ZBTB20: variants seen among roughly 807,000 people sequenced by gnomAD.
ZBTB20 encodes zinc finger and BTB domain containing 20.
ZBTB20 carries 9 observed loss-of-function variants against 56.9 expected under a neutral mutation model. That is an observed-to-expected ratio of 0.16 (90% CI 0.10 to 0.28). The LOEUF (loss-of-function observed/expected upper bound fraction) is 0.28, where lower values mean the gene tolerates loss of function less well. ZBTB20 is among the 10% of genes least tolerant of loss of function. The pLI is 1.00. For missense variants in ZBTB20, 655 were observed against 1,003.0 expected (o/e 0.65, Z 4.69); for synonymous variants, 417 against 420.7 (o/e 0.99, Z 0.11).
chr3:114,549,440 CT>C (rs2050284349), intron 6 of ZBTB20, among the ~76,000 whole-genome samples: 1 of 152,086 alleles, frequency 6.6e-6, no homozygotes, highest in Non-Finnish European at 1.5e-5. Context: ...CAATGTATAT[CT>C]TTACTGCTAA....
At chr3:114,797,573 T>C (rs1164156412) in intron 5 of ZBTB20, among the ~76,000 whole-genome samples, 1 of 152,030 alleles carries the variant, frequency 6.6e-6, no homozygotes, top group African/African-American at 2.4e-5. Flanking sequence ...TATGAATTCC[T>C]TAATAACAGA....
intron 6 of ZBTB20, among the ~76,000 whole-genome samples, chr3:114,633,108 G>A (rs2059052001): frequency 6.6e-6 from 1 of 152,220 alleles, no homozygotes; most frequent in Admixed American, 6.5e-5. Context: ...GTAAAAAGAA[G>A]TATATTTGTT....
At chr3:115,020,770 T>C (rs1056507180) in intron 2 of ZBTB20, among the ~76,000 whole-genome samples, 4 of 151,044 alleles carry the variant, frequency 2.6e-5, no homozygotes, top group African/African-American at 9.7e-5. Flanking sequence ...TAATACCTAT[T>C]CTCTTCCATT....
intron 6 of ZBTB20, among the ~76,000 whole-genome samples, chr3:114,683,269 C>T (rs1057380002): frequency 6.6e-6 from 1 of 152,126 alleles, no homozygotes; most frequent in East Asian, 1.9e-4. Context: ...ATATCCATGT[C>T]TTAGACACTG....
chr3:114,446,010 G>A (rs1250276233), intron 7 of ZBTB20, among the ~76,000 whole-genome samples: 4 of 151,944 alleles, frequency 2.6e-5, no homozygotes, highest in Non-Finnish European at 4.4e-5. Context: ...AGTTCACTGC[G>A]ACAATCTATA....
chr3:114,889,679 T>C (rs904322635), intron 4 of ZBTB20, among the ~76,000 whole-genome samples: 2 of 152,146 alleles, frequency 1.3e-5, no homozygotes, highest in Non-Finnish European at 2.9e-5. Context: ...TAAGCAGTTA[T>C]ATTACAAATG....
In ZBTB20 at chr3:115,081,268, A is replaced by T. The variant is rs1406457261; in HGVS notation, c.-702-9854T>A. 2.0e-5 allele frequency among the ~76,000 whole-genome samples: 3 copies of T among 152,264 alleles called. No individual in the cohort carries two copies. In the East Asian group the frequency reaches 5.8e-4, roughly 29 times the overall value. ...AAATTGTTGAGTAGAACAAACTTTA[A>T]CAGTTTCTCTTCCTTCATCATCATT... On this transcript the variant is annotated intron_variant, in intron 1 of 11. Coordinates refer to ENST00000675478, the MANE Select transcript of ZBTB20 (RefSeq NM_001348800.3).
At chr3:114,726,923 A>G (rs1192959841) in intron 5 of ZBTB20, among the ~76,000 whole-genome samples, 1 of 149,376 alleles carries the variant, frequency 6.7e-6, no homozygotes, top group Non-Finnish European at 1.5e-5. Flanking sequence ...AAAAAAAAAA[A>G]AAAAAAAAAA....
At chr3:115,118,467 C>T (rs1179607984) in intron 1 of ZBTB20, among the ~76,000 whole-genome samples, 1 of 152,020 alleles carries the variant, frequency 6.6e-6, no homozygotes, top group Admixed American at 6.6e-5. Context: ...GAATTAAATC[C>T]TCACTGTCAC....
At chr3:114,896,669 A>T (rs2074893963) in intron 4 of ZBTB20, among the ~76,000 whole-genome samples, 1 of 152,110 alleles carries the variant, frequency 6.6e-6, no homozygotes, top group South Asian at 2.1e-4. Context: ...TGAAAGTGTT[A>T]TATAGAGATG....
At chr3:115,026,294 T>C (rs2108324064) in intron 2 of ZBTB20, among the ~76,000 whole-genome samples, 1 of 151,196 alleles carries the variant, frequency 6.6e-6, no homozygotes, top group South Asian at 2.1e-4. Context: ...TGACAATCTG[T>C]ACCAAATAAC....
chr3:114,364,755 A>G (rs1376064327), intron 10 of ZBTB20, among the ~76,000 whole-genome samples: 1 of 152,184 alleles, frequency 6.6e-6, no homozygotes, highest in Non-Finnish European at 1.5e-5. Flanking sequence ...AAAGATCCTT[A>G]AATTCCTTGC....
In ZBTB20 at chr3:114,350,452, C is replaced by G; in HGVS notation, c.1626G>C (p.Val542=). Residue 542 remains valine, a synonymous_variant, in exon 11 of 12, where the codon GTG becomes GTC. Transcript: ENST00000675478. ...TAAAGGTCGACAGACCGGGCTGGGA[C>G]ACTGTCACAAACTGGGTCTGCTGGC... ...LAGQQTQFVT[V]SQPGLSTFTA... The G allele has an allele frequency of 6.2e-7, 1 of 1,613,970 alleles. No individual in the cohort carries two copies. The highest frequency in any genetic ancestry group is 8.5e-7 in the Non-Finnish European group (1 of 1,179,986).
At chr3:114,657,496 T>TAGGTATCAGCCTAAC in intron 6 of ZBTB20, among the ~76,000 whole-genome samples, 1 of 152,222 alleles carries the variant, frequency 6.6e-6, no homozygotes, top group African/African-American at 2.4e-5. Flanking sequence ...ATGCACAGTT[T>TAGGTATCAGCCTAAC]ATATCAGCCA....
At chr3:114,486,441 T>C (rs1397793579) in intron 7 of ZBTB20, among the ~76,000 whole-genome samples, 1 of 152,186 alleles carries the variant, frequency 6.6e-6, no homozygotes, top group East Asian at 1.9e-4. Flanking sequence ...GTGTTAGGAT[T>C]CTTCCTAACC....
At position 114,416,287 on chromosome 3, in the gene ZBTB20, T is replaced by A. The variant is rs971074263; in HGVS notation, c.-254-27182A>T. On this transcript the variant is annotated intron_variant, in intron 7 of 11. Coordinates refer to ENST00000675478, the MANE Select transcript of ZBTB20 (RefSeq NM_001348800.3). ...AATAATATCAACCACCTGATCATTG[T>A]GGTCAGACATATGATAATTTCAATT... 3.3e-5 allele frequency among the ~76,000 whole-genome samples: 5 copies of A among 151,056 alleles called. No homozygotes were observed. The East Asian group carries it at 9.8e-4, about 30-fold the overall frequency.
chr3:114,955,509 AC>A (rs750548719), intron 3 of ZBTB20, among the ~76,000 whole-genome samples: 6 of 152,162 alleles, frequency 3.9e-5, no homozygotes, highest in Admixed American at 1.3e-4. Context: ...CTAAAGACTG[AC>A]AAAAATCACA....
chr3:114,583,170 A>C (rs1251743514), intron 6 of ZBTB20, among the ~76,000 whole-genome samples: 1 of 152,240 alleles, frequency 6.6e-6, no homozygotes, highest in Non-Finnish European at 1.5e-5. Context: ...TATGAAAAGC[A>C]AAGTTTTATT....
At chr3:115,038,028 T>A (rs1470276343) in intron 2 of ZBTB20, among the ~76,000 whole-genome samples, 1 of 152,232 alleles carries the variant, frequency 6.6e-6, no homozygotes, top group African/African-American at 2.4e-5. Context: ...ATTCAAACAA[T>A]GAAGTTTCAC....
Sources: gnomAD v4.1 joint callset for allele counts (sites outside exome capture counted in the v4.1 genomes callset) on GRCh38, gnomAD v4.1.1 for gene constraint, MANE v1.5 for transcripts, NCBI Gene and HGNC (gene_info 2026-07-23, HGNC 2026-07-21) for gene names.